The following CCDC83 variants were observed in gnomAD, a reference collection of about 807,000 sequenced individuals.
CCDC83 encodes coiled-coil domain-containing protein 83.
CCDC83 carries 54 observed loss-of-function variants against 50.1 expected under a neutral mutation model. The observed-to-expected ratio is 1.08, with a 90% CI of 0.87 to 1.35. The LOEUF is 1.35. Ranked by LOEUF, CCDC83 falls within the 40% of genes most tolerant of loss-of-function variation. CCDC83 has a pLI of 0.00. For synonymous variants in CCDC83, 161 were observed against 153.3 expected, an observed-to-expected ratio of 1.05 and a Z score of -0.37; for missense variants, 518 against 473.9, an observed-to-expected ratio of 1.09 and a Z score of -0.86.
intron 4 of CCDC83, among the ~76,000 whole-genome samples, chr11:85,885,933 A>C (rs2093324625): frequency 6.6e-6 from 1 of 152,238 alleles, no homozygotes; most frequent in Admixed American, 6.5e-5. Context: ...CTTCCTAGGC[A>C]TATGGGTTGT....
Position 85,919,550 on chromosome 11 carries a change from A to G in CCDC83, c.*40A>G. 6.6e-7 allele frequency: 1 copy of G among 1,508,726 alleles called. No homozygotes were observed. The highest frequency in any genetic ancestry group is 9.1e-7 in the Non-Finnish European group (1 of 1,104,156). 93.5% of individuals were successfully genotyped at this position (1,508,726 alleles called of 1,614,324 possible). A position where few individuals can be genotyped will look rare whatever the true frequency, so the allele number is the denominator to read the frequency against. ...AAGGAAACACAACTTTTCCTTATAA[A>G]TGTTCTTTGGGAACTGAAGTATATC... On this transcript the variant is annotated 3_prime_UTR_variant, in exon 11 of 11. Transcript: ENST00000342404.
chr11:85,881,951 C>T (rs2093302821), intron 3 of CCDC83, among the ~76,000 whole-genome samples: 1 of 152,072 alleles, frequency 6.6e-6, no homozygotes, highest in African/African-American at 2.4e-5. Context: ...AAGTTTCCAG[C>T]CATTATTTAT....
intron 5 of CCDC83, among the ~76,000 whole-genome samples, chr11:85,889,078 G>A (rs1335139630): frequency 3.9e-5 from 6 of 152,212 alleles, no homozygotes; most frequent in African/African-American, 9.6e-5. Flanking sequence ...TGGGCCAGGC[G>A]TGGTGTCTCA....
At chr11:85,858,100 C>T (rs370045284) in intron 1 of CCDC83, among the ~76,000 whole-genome samples, 1 of 152,336 alleles carries the variant, frequency 6.6e-6, no homozygotes, top group Admixed American at 6.5e-5. Context: ...ATCCTGCTAG[C>T]TGAGGGTCAG....
chr11:85,878,548 G>A (rs1364809741), intron 3 of CCDC83, among the ~76,000 whole-genome samples: 1 of 152,232 alleles, frequency 6.6e-6, no homozygotes, highest in Non-Finnish European at 1.5e-5. Context: ...TAGCAGCATG[G>A]TGGGGATGTA....
chr11:85,896,424 A>G (rs961395767), intron 6 of CCDC83, among the ~76,000 whole-genome samples: 2 of 151,134 alleles, frequency 1.3e-5, no homozygotes, highest in African/African-American at 4.8e-5. Flanking sequence ...AAAAAAAAAA[A>G]AAACCAAAAA....
rs1478908157 is a variant in CCDC83, at chr11:85,919,765, C to G, written c.*255C>G. ...AGCATGACAGTGGGTTCAAGGTAGT[C>G]TCTGAGGTTCCTTTTCACACACAAA... is the stretch of plus-strand genomic sequence containing the variant. On this transcript the variant is annotated 3_prime_UTR_variant, in exon 11 of 11. Transcript: ENST00000342404. The G allele has an allele frequency of 2.9e-6, 1 of 345,114 alleles. No individual in the cohort carries two copies. Among genetic ancestry groups the G allele is most frequent in the Admixed American group, 5.0e-5 (1 of 19,802 alleles). The allele number at this position is 345,114 out of a possible 1,614,324, so 21.4% of individuals were successfully genotyped here.
chr11:85,884,671 T>C (rs1042869283), intron 4 of CCDC83, among the ~76,000 whole-genome samples: 7 of 152,072 alleles, frequency 4.6e-5, no homozygotes, highest in Non-Finnish European at 1.0e-4. Flanking sequence ...CAAAAATCTC[T>C]GGGGCGTATG....
Position 85,901,271 on chromosome 11 carries a change from C to A in CCDC83, c.672+2256C>A, listed in dbSNP as rs191989482. Reference sequence around the variant, plus strand: ...AACAAGATGCTTTAAGAACAAAAATCAAATATAAAACAGGAAATAGACCAG... The same window carrying A: ...AACAAGATGCTTTAAGAACAAAAATAAAATATAAAACAGGAAATAGACCAG... On this transcript the variant is annotated intron_variant, in intron 7 of 10. Transcript: ENST00000342404. Among the ~76,000 whole-genome samples, 118 of 151,962 alleles carry A rather than the reference C, an allele frequency of 7.8e-4. 1 individual carries two copies. The highest frequency in any genetic ancestry group is 1.9e-3 in the African/African-American group (80 of 41,464).
At chr11:85,864,440 T>G (rs1340964506) in intron 1 of CCDC83, among the ~76,000 whole-genome samples, 1 of 152,210 alleles carries the variant, frequency 6.6e-6, no homozygotes, top group Non-Finnish European at 1.5e-5. Context: ...CTGTGAACAG[T>G]GGGTCTTGAT....
chr11:85,862,018 A>AAAAAAAAT (rs1555268616), intron 1 of CCDC83, among the ~76,000 whole-genome samples: 1 of 145,192 alleles, frequency 6.9e-6, no homozygotes, highest in African/African-American at 2.5e-5. Flanking sequence ...AAAAAAAAAA[A>AAAAAAAAT]AAAGAGAGTC....
intron 8 of CCDC83, among the ~76,000 whole-genome samples, chr11:85,911,920 A>T (rs2093456364): frequency 6.6e-6 from 1 of 152,158 alleles, no homozygotes; most frequent in Non-Finnish European, 1.5e-5. Context: ...CAAGAAACCA[A>T]GTGGTGCATA....
chr11:85,855,423 G>C lies in CCDC83; in HGVS notation c.-190G>C, dbSNP rs1466092254. The C allele has an allele frequency of 6.6e-6, 1 of 152,322 alleles. No homozygotes were observed. The highest frequency in any genetic ancestry group is 2.4e-5 in the African/African-American group (1 of 41,468). The allele number at this position is 152,322 out of a possible 1,614,324, so 9.4% of individuals were successfully genotyped here. On this transcript the variant is annotated 5_prime_UTR_variant, in exon 1 of 11. Transcript: ENST00000342404. The stretch of plus-strand genomic sequence containing the variant: ...TTCTTGGGCCGTTAGGAGCTGCTGG[G>C]AAGGGCTCTGATAGGCCCACTCCTC...
At chr11:85,897,123 C>T (rs377550441) in intron 6 of CCDC83, among the ~76,000 whole-genome samples, 4 of 152,142 alleles carry the variant, frequency 2.6e-5, no homozygotes, top group African/African-American at 7.2e-5. Context: ...CATAGTTAGA[C>T]GATTCAAAGT....
At chr11:85,855,772 G>A (rs1030523856) in intron 1 of CCDC83, among the ~76,000 whole-genome samples, 188 bp downstream of exon 1, 4 of 152,168 alleles carry the variant, frequency 2.6e-5, no homozygotes, top group African/African-American at 9.7e-5. Context: ...CAGAGACTTG[G>A]CCTAGGTTAT....
intron 8 of CCDC83, chr11:85,912,509 G>T: frequency 1.5e-6 from 1 of 670,440 alleles, no homozygotes; most frequent in South Asian, 1.8e-5. Context: ...TAGATGAGGT[G>T]AGGCTGAATG....
chr11:85,917,581 G>A (rs142531164), intron 10 of CCDC83, among the ~76,000 whole-genome samples: 1 of 152,274 alleles, frequency 6.6e-6, no homozygotes, highest in East Asian at 1.9e-4. Flanking sequence ...GTACATTCCA[G>A]TTACTCCCAC....
intron 2 of CCDC83, among the ~76,000 whole-genome samples, chr11:85,865,879 T>C (rs1456003062): frequency 6.6e-6 from 1 of 151,072 alleles, no homozygotes; most frequent in Admixed American, 6.6e-5. Flanking sequence ...CAGAGCAAGA[T>C]TCCATTGAGG....
intron 10 of CCDC83, 117 bp downstream of exon 10, chr11:85,916,350 T>C (rs994653417): frequency 2.7e-5 from 22 of 824,216 alleles, no homozygotes; most frequent in Non-Finnish European, 4.4e-5. Flanking sequence ...TTGCAATTAT[T>C]AGTAAAATTG....
Sources: allele counts gnomAD v4.1 joint callset (sites outside exome capture counted in the v4.1 genomes callset), GRCh38; gene constraint gnomAD v4.1.1; transcripts MANE v1.5; gene names NCBI Gene and HGNC (gene_info 2026-07-23, HGNC 2026-07-21).